Variants in PLXNA2 observed in about 807,000 individuals in gnomAD.
PLXNA2 encodes the protein plexin-A2.
PLXNA2 carries 91 observed loss-of-function variants against 193.5 expected under a neutral mutation model. That is an observed-to-expected ratio of 0.47 (90% CI 0.40 to 0.56). PLXNA2 has a LOEUF of 0.56. Among genes scored for constraint, PLXNA2 ranks in the 20% least tolerant of loss-of-function variants. The pLI, the probability that PLXNA2 is intolerant of heterozygous loss-of-function variation, is 0.00. For missense variants in PLXNA2, 1,995 were observed against 2,503.2 expected, an observed-to-expected ratio of 0.80 and a Z score of 4.33; for synonymous variants, 997 against 1,027.3, an observed-to-expected ratio of 0.97 and a Z score of 0.56.
intron 12 of PLXNA2, among the ~76,000 whole-genome samples, chr1:208,071,828 T>G (rs1026399051): frequency 5.3e-5 from 8 of 152,196 alleles, no homozygotes; most frequent in Admixed American, 2.6e-4. Context: ...CTGGCTGACT[T>G]ATTTATTTAT....
chr1:208,055,746 T>C (rs908710665), intron 13 of PLXNA2, among the ~76,000 whole-genome samples: 1 of 152,238 alleles, frequency 6.6e-6, no homozygotes, highest in Non-Finnish European at 1.5e-5. Flanking sequence ...TTCATTTCGA[T>C]GTAATAAAAC....
At chr1:208,073,033 G>A (rs1036362905) in intron 12 of PLXNA2, among the ~76,000 whole-genome samples, 1 of 152,228 alleles carries the variant, frequency 6.6e-6, no homozygotes, top group African/African-American at 2.4e-5. Flanking sequence ...AGATGTGTGT[G>A]TGACACTGGG....
chr1:208,217,220 G>A lies in PLXNA2; in HGVS notation c.703C>T (p.Leu235=), dbSNP rs138299553. The change falls in exon 2 of 32, where the codon CTG becomes TTG. Residue 235 remains leucine (L), a synonymous_variant. Coordinates refer to ENST00000367033, the MANE Select transcript of PLXNA2 (RefSeq NM_025179.4). The surrounding 1 kb of genome is among the most constrained non-coding windows in gnomAD (Gnocchi z 4.7). ...TAGAAGATGTCAAAGTGGGAGACCA[G>A]GGCCAGGGTGTCTGAAGGGATCTTG... The part of the protein sequence containing the change: ...LIKIPSDTLA[L]VSHFDIFYIY... 45 of 1,614,100 alleles carry A rather than the reference G, an allele frequency of 2.8e-5. No homozygotes were observed. The African/African-American group carries it at 5.5e-4, about 20-fold the overall frequency.
At chr1:208,164,813 G>A (rs766945444) in intron 3 of PLXNA2, among the ~76,000 whole-genome samples, 3 of 152,190 alleles carry the variant, frequency 2.0e-5, no homozygotes, top group Non-Finnish European at 2.9e-5. Flanking sequence ...CTTAGCAGGC[G>A]CTGCCTGACT....
intron 3 of PLXNA2, among the ~76,000 whole-genome samples, chr1:208,186,708 A>ATTTTGTTTTTTGTTTTTTGTTTTTTGTT (rs368056918): frequency 9.0e-6 from 1 of 111,698 alleles, no homozygotes; most frequent in East Asian, 3.6e-4. Context: ...TTGCAATGTT[A>ATTTTGTTTTTTGTTTTTTGTTTTTTGTT]TTTTATTTTT....
At chr1:208,084,698 G>T in intron 9 of PLXNA2, 118 bp from the exon 10 acceptor site, 1 of 880,622 alleles carries the variant, frequency 1.1e-6, no homozygotes, top group Non-Finnish European at 1.8e-6. Flanking sequence ...ATTACCTCAT[G>T]TAAGGCCCGT....
intron 4 of PLXNA2, among the ~76,000 whole-genome samples, chr1:208,118,887 A>T (rs1241965929): frequency 1.3e-5 from 2 of 152,184 alleles, no homozygotes; most frequent in East Asian, 3.9e-4. Context: ...TGGAGTCATA[A>T]CTGATGTAAT....
At chr1:208,042,423 C>A in intron 21 of PLXNA2, 57 bp from the exon 22 acceptor site, 1 of 1,572,438 alleles carries the variant, frequency 6.4e-7, no homozygotes, top group Non-Finnish European at 8.7e-7. Context: ...GGGCCTCCTA[C>A]CTGAGGGTCT....
rs546566640 is a variant in PLXNA2, at chr1:208,147,100, G to A, written c.1372-4637C>T. On this transcript the variant is annotated intron_variant, in intron 3 of 31. Coordinates refer to ENST00000367033, the MANE Select transcript of PLXNA2 (RefSeq NM_025179.4). ...TGCAGTGGCGCAATCACAGCTCACT[G>A]CAGCCTTGAGCTCCCAAGATCAAGC... Among the ~76,000 whole-genome samples, 422 of 152,244 alleles carry A rather than the reference G, an allele frequency of 2.8e-3. 3 individuals carry two copies. Among genetic ancestry groups the A allele is most frequent in the Non-Finnish European group, 5.2e-3 (354 of 68,004 alleles).
chr1:208,145,678 C>T (rs967577240), intron 3 of PLXNA2, among the ~76,000 whole-genome samples: 1 of 152,192 alleles, frequency 6.6e-6, no homozygotes, highest in African/African-American at 2.4e-5. Context: ...AACTTATCAT[C>T]ACATTGTCTG....
chr1:208,237,068 C>A (rs530228661), intron 1 of PLXNA2, among the ~76,000 whole-genome samples: 1 of 152,182 alleles, frequency 6.6e-6, no homozygotes, highest in African/African-American at 2.4e-5. Context: ...CATTAGCATC[C>A]CTTACCCTCT....
At position 208,235,255 on chromosome 1, in the gene PLXNA2, C is replaced by T. The variant is rs528943025; in HGVS notation, c.-81+8388G>A. Among the ~76,000 whole-genome samples, 12 of 152,340 alleles carry T rather than the reference C, an allele frequency of 7.9e-5. No homozygotes were observed. In the South Asian group the frequency reaches 2.5e-3, roughly 32 times the overall value. On this transcript the variant is annotated intron_variant, in intron 1 of 31. Coordinates refer to ENST00000367033, the MANE Select transcript of PLXNA2 (RefSeq NM_025179.4). ...CTATGTCCCATCTCCACCAAGTCTT[C>T]AGCCCTTTATTCTTTAGCATAGAGA...
chr1:208,049,306 C>CTT (rs35088178), intron 17 of PLXNA2, among the ~76,000 whole-genome samples: 4,470 of 141,564 alleles, frequency 0.032, 157 homozygotes, highest in African/African-American at 0.082. Context: ...AATTTGCTTG[C>CTT]TTTTTTTTTT....
intron 4 of PLXNA2, among the ~76,000 whole-genome samples, chr1:208,109,772 G>A (rs1016926746): frequency 6.6e-6 from 1 of 152,230 alleles, no homozygotes; most frequent in Non-Finnish European, 1.5e-5. Context: ...GAAGGATGAG[G>A]AGGGAGAAGG....
chr1:208,133,123 C>T (rs1668209073), intron 4 of PLXNA2, among the ~76,000 whole-genome samples: 1 of 152,146 alleles, frequency 6.6e-6, no homozygotes, highest in Non-Finnish European at 1.5e-5. Context: ...TCTGGATAAA[C>T]CAGCTCTGGA....
At chr1:208,183,026 G>T (rs1363376808) in intron 3 of PLXNA2, among the ~76,000 whole-genome samples, 3 of 152,228 alleles carry the variant, frequency 2.0e-5, no homozygotes, top group Non-Finnish European at 4.4e-5. Context: ...ACTGGGGGAG[G>T]CTGTACAGAG....
intron 3 of PLXNA2, among the ~76,000 whole-genome samples, chr1:208,201,396 C>A (rs1468989126): frequency 6.6e-6 from 1 of 152,224 alleles, no homozygotes; most frequent in Non-Finnish European, 1.5e-5. Flanking sequence ...TGGGAAACCT[C>A]TCACTGGTGA....
chr1:208,224,561 G>A (rs1350285733), intron 1 of PLXNA2, among the ~76,000 whole-genome samples: 1 of 152,144 alleles, frequency 6.6e-6, no homozygotes, highest in Non-Finnish European at 1.5e-5. Flanking sequence ...ATTTCCTATG[G>A]AAAATAGCGG....
At chr1:208,223,980 TGA>T (rs926295157) in intron 1 of PLXNA2, among the ~76,000 whole-genome samples, 1 of 152,170 alleles carries the variant, frequency 6.6e-6, no homozygotes, top group African/African-American at 2.4e-5. Context: ...TGTCTAAATG[TGA>T]GAGTCTGAGG....
Sources: gnomAD v4.1 joint callset for allele counts (sites outside exome capture counted in the v4.1 genomes callset) on GRCh38, gnomAD v4.1.1 for gene constraint, Gnocchi (gnomAD v3.1) non-coding constraint, MANE v1.5 for transcripts, NCBI Gene and HGNC (gene_info 2026-07-23, HGNC 2026-07-21) for gene names.